Variants in FRMD4B observed in about 807,000 individuals in gnomAD.
The protein encoded by FRMD4B is FERM domain-containing protein 4B.
Under a neutral mutation model 141.5 loss-of-function variants are expected in FRMD4B, and 74 were observed. The observed-to-expected ratio is 0.52, with a 90% CI of 0.43 to 0.63. FRMD4B has a LOEUF of 0.63. FRMD4B is among the 30% of genes least tolerant of loss of function. The pLI, the probability that FRMD4B is intolerant of heterozygous loss-of-function variation, is 0.00. For synonymous variants in FRMD4B, 506 were observed against 467.9 expected (o/e 1.08, Z -1.05); for missense variants, 1,366 against 1,253.4 (o/e 1.09, Z -1.36).
rs370378912 is a variant in FRMD4B, at chr3:69,483,426, G to A, written c.-128-50665C>T. 6.8e-4 allele frequency among the ~76,000 whole-genome samples: 103 copies of A among 152,316 alleles called. 1 individual carries two copies. In the South Asian group the frequency reaches 0.021, roughly 32 times the overall value. On this transcript the variant is annotated intron_variant, in intron 1 of 5. Transcript: ENST00000459638. ...GATTATAATGATTTAGAATCCCATA[G>A]AGGTTTCCTCTGAAAATCTTTAGTT...
chr3:69,296,003 G>C (rs888223119), intron 4 of FRMD4B, among the ~76,000 whole-genome samples: 4 of 152,080 alleles, frequency 2.6e-5, no homozygotes, highest in Admixed American at 6.6e-5. Context: ...TTTTAGTAGA[G>C]ATGGGGTTTT....
At chr3:69,495,935 T>C (rs1004587929) in intron 1 of FRMD4B, among the ~76,000 whole-genome samples, 5 of 152,230 alleles carry the variant, frequency 3.3e-5, no homozygotes, top group African/African-American at 7.2e-5. Context: ...CAGTATGCAG[T>C]GATTTTATGG....
rs375881783 is a variant in FRMD4B at position 69,313,011 on chromosome 3, C to T, written c.228+441G>A. 3.3e-5 allele frequency among the ~76,000 whole-genome samples: 5 copies of T among 152,314 alleles called. No individual in the cohort carries two copies. In the South Asian group the frequency reaches 1.0e-3, roughly 32 times the overall value. On this transcript the variant is annotated intron_variant, in intron 2 of 22. Coordinates refer to ENST00000398540, the MANE Select transcript of FRMD4B (RefSeq NM_015123.3). ...CCATAATTCTTCTGAGAAGCCTAGG[C>T]AGTTCACAGCTAATGAAACTGGGTA...
intron 1 of FRMD4B, among the ~76,000 whole-genome samples, chr3:69,343,125 T>C (rs941175764): frequency 6.6e-6 from 1 of 151,944 alleles, no homozygotes; most frequent in Non-Finnish European, 1.5e-5. Flanking sequence ...GCCTAATTTT[T>C]AAAATTTTTG....
chr3:69,384,187 T>C (rs1357554873), intron 1 of FRMD4B, among the ~76,000 whole-genome samples: 1 of 152,200 alleles, frequency 6.6e-6, no homozygotes, highest in Non-Finnish European at 1.5e-5. Flanking sequence ...AAAATACATA[T>C]ATTTTAGTAG....
chr3:69,242,303 TTTA>T (rs2093390242), intron 7 of FRMD4B, among the ~76,000 whole-genome samples: 2 of 151,950 alleles, frequency 1.3e-5, no homozygotes, highest in South Asian at 2.1e-4. Flanking sequence ...AGATGATATT[TTTA>T]TTATTATCAT....
intron 2 of FRMD4B, among the ~76,000 whole-genome samples, chr3:69,407,632 A>G (rs1245352300): frequency 6.6e-6 from 1 of 152,224 alleles, no homozygotes; most frequent in Non-Finnish European, 1.5e-5. Flanking sequence ...GATGGTGTCC[A>G]CTGGGCCAGG....
At chr3:69,327,442 G>A (rs1209186612) in intron 1 of FRMD4B, among the ~76,000 whole-genome samples, 6 of 152,240 alleles carry the variant, frequency 3.9e-5, no homozygotes, top group Middle Eastern at 3.4e-3. Context: ...CACATACATC[G>A]TCCTGAGAAC....
In FRMD4B at chr3:69,493,975, C is replaced by A. The variant is rs535302160; in HGVS notation, c.-129+48231G>T. Among the ~76,000 whole-genome samples, 3 of 152,310 alleles carry A rather than the reference C, an allele frequency of 2.0e-5. No individual in the cohort carries two copies. The East Asian group carries it at 5.8e-4, about 29-fold the overall frequency. On this transcript the variant is annotated intron_variant, in intron 1 of 5. Coordinates refer to the FRMD4B transcript ENST00000459638. ...TGCTACAGCCTCAAACTCTTGGCCT[C>A]AAGCCATCCTCTCACCTCAGCCTCT...
intron 2 of FRMD4B, among the ~76,000 whole-genome samples, chr3:69,395,431 C>G (rs1704457758): frequency 6.6e-6 from 1 of 152,102 alleles, no homozygotes; most frequent in Non-Finnish European, 1.5e-5. Context: ...ATATCAGTGG[C>G]TTGCAAAGTA....
At chr3:69,182,554 C>T in intron 20 of FRMD4B, 44 bp downstream of exon 20, 1 of 1,548,860 alleles carries the variant, frequency 6.5e-7, no homozygotes, top group South Asian at 1.2e-5. Context: ...AACCTCAAAG[C>T]AAAAATCAAG....
chr3:69,511,892 A>G (rs1559549980), intron 1 of FRMD4B, among the ~76,000 whole-genome samples: 1 of 152,194 alleles, frequency 6.6e-6, no homozygotes, highest in Non-Finnish European at 1.5e-5. Flanking sequence ...CCTGGACTAT[A>G]TACAACTTAG....
At chr3:69,281,081 C>A (rs1161772744) in intron 5 of FRMD4B, among the ~76,000 whole-genome samples, 2 of 152,084 alleles carry the variant, frequency 1.3e-5, no homozygotes, top group East Asian at 3.9e-4. Context: ...CAGCCATGCA[C>A]CACTATGCCC....
At chr3:69,324,415 G>C (rs1461605038) in intron 1 of FRMD4B, among the ~76,000 whole-genome samples, 1 of 152,232 alleles carries the variant, frequency 6.6e-6, no homozygotes, top group East Asian at 1.9e-4. Context: ...CAGCCAATAA[G>C]ACTGAAAGGG....
intron 1 of FRMD4B, among the ~76,000 whole-genome samples, chr3:69,467,325 A>G (rs2106935342): frequency 6.6e-6 from 1 of 152,288 alleles, no homozygotes; most frequent in Admixed American, 6.5e-5. Flanking sequence ...TTGAGCGGTA[A>G]CTGGCATGAT....
intron 1 of FRMD4B, among the ~76,000 whole-genome samples, chr3:69,494,656 C>G (rs917541768): frequency 2.0e-4 from 31 of 152,078 alleles, no homozygotes; most frequent in Non-Finnish European, 2.9e-5. Flanking sequence ...CTTTGGGAGG[C>G]CAAGGTGGGT....
intron 1 of FRMD4B, among the ~76,000 whole-genome samples, chr3:69,434,509 A>G (rs1376086126): frequency 6.6e-6 from 1 of 152,214 alleles, no homozygotes; most frequent in Non-Finnish European, 1.5e-5. Flanking sequence ...CATCTACTTG[A>G]AAACCCCAGA....
At chr3:69,482,522 A>G (rs1290376148) in intron 1 of FRMD4B, among the ~76,000 whole-genome samples, 2 of 152,204 alleles carry the variant, frequency 1.3e-5, no homozygotes, top group Non-Finnish European at 2.9e-5. Context: ...AGAAAAATGA[A>G]GGAGACAGGA....
intron 1 of FRMD4B, among the ~76,000 whole-genome samples, chr3:69,498,229 C>T (rs1434139398): frequency 6.6e-6 from 1 of 152,176 alleles, no homozygotes; most frequent in Non-Finnish European, 1.5e-5. Context: ...TGCTGTTGAA[C>T]ATTCATCTTC....
Sources: gnomAD v4.1 joint callset for allele counts (sites outside exome capture counted in the v4.1 genomes callset) on GRCh38, gnomAD v4.1.1 for gene constraint, MANE v1.5 for transcripts, NCBI Gene and HGNC (gene_info 2026-07-23, HGNC 2026-07-21) for gene names.